The following ALKAL1 variants were observed in gnomAD, a reference collection of about 807,000 sequenced individuals.
ALKAL1 encodes the protein AUG-beta.
A neutral mutation model predicts 13.5 loss-of-function variants in ALKAL1; 23 were observed. The ratio of observed to expected loss-of-function variants is 1.70; its 90% confidence interval spans 1.23 to 2.41. ALKAL1 has a LOEUF of 2.41. Ranked by LOEUF, ALKAL1 falls within the 30% of genes most tolerant of loss-of-function variation. The pLI is 0.00. For synonymous variants in ALKAL1, 85 were observed against 77.7 expected (o/e 1.09, Z -0.49); for missense variants, 181 against 178.4 (o/e 1.01, Z -0.08).
Position 52,538,501 on chromosome 8 carries a change from T to C in ALKAL1, c.332A>G (p.Lys111Arg), listed in dbSNP as rs1262493495. 6.2e-7 allele frequency: 1 copy of C among 1,606,934 alleles called. No homozygotes were observed. The highest frequency in any genetic ancestry group is 8.5e-7 in the Non-Finnish European group (1 of 1,174,782). ...TCTTGTTAACAATCTAGCACATCTT[T>C]TGTAATCTAGGAAAAACATTTAAAG... ...TRECSTPAYY[K>R]RCARLLTRLA... Residue 111 changes from lysine (K) to arginine (R), a missense_variant, in exon 4 of 5, where the codon AAA becomes AGA. Physicochemically the swap from Lys to Arg is conservative, Grantham distance 26. Transcript: ENST00000358543.
chr8:52,540,519 A>T (rs1213731599), intron 2 of ALKAL1, among the ~76,000 whole-genome samples: 1 of 152,090 alleles, frequency 6.6e-6, no homozygotes, highest in African/African-American at 2.4e-5. Flanking sequence ...TGAGCCCAGG[A>T]GTTCAAGAAC....
chr8:52,538,943 T>C (rs1847288246), intron 3 of ALKAL1, among the ~76,000 whole-genome samples: 1 of 151,922 alleles, frequency 6.6e-6, no homozygotes, highest in Non-Finnish European at 1.5e-5. Flanking sequence ...AGAAGCCGGG[T>C]TGTAAGACTG....
chr8:52,540,473 C>T (rs900691623), intron 2 of ALKAL1, among the ~76,000 whole-genome samples: 4 of 152,138 alleles, frequency 2.6e-5, no homozygotes, highest in East Asian at 3.9e-4. Context: ...TGTCTGTAAT[C>T]CCAGCACTTT....
At chr8:52,563,135 T>C (rs1021954919) in intron 1 of ALKAL1, among the ~76,000 whole-genome samples, 2 of 152,214 alleles carry the variant, frequency 1.3e-5, no homozygotes, top group African/African-American at 2.4e-5. Context: ...CTTTTAACTA[T>C]GGCCGGGCAT....
At chr8:52,564,888 C>T (rs556159841) in intron 1 of ALKAL1, among the ~76,000 whole-genome samples, 179 bp downstream of exon 1, 2 of 152,200 alleles carry the variant, frequency 1.3e-5, no homozygotes, top group South Asian at 4.1e-4. Flanking sequence ...TAACTCTCAA[C>T]CGTGGTAAAT....
intron 1 of ALKAL1, among the ~76,000 whole-genome samples, chr8:52,556,540 G>A (rs1207371629): frequency 2.0e-5 from 3 of 151,198 alleles, no homozygotes; most frequent in African/African-American, 4.9e-5. Flanking sequence ...CCAGCTACAC[G>A]GGAGGCTGAG....
rs528213343 is a variant in ALKAL1 at position 52,540,034 on chromosome 8, C to T, written c.245-123G>A. 301 of 671,930 alleles carry T rather than the reference C, an allele frequency of 4.5e-4. 1 individual carries two copies. In the Admixed American group the frequency reaches 4.9e-3, roughly 11 times the overall value. 41.6% of individuals were successfully genotyped at this position (671,930 alleles called of 1,614,324 possible). A position where few individuals can be genotyped will look rare whatever the true frequency, so the allele number is the denominator to read the frequency against. On this transcript the variant is annotated intron_variant, in intron 2 of 4. Transcript: ENST00000358543. ...ACATCCTTCCATACCCTTAAAAGAA[C>T]GTGCCTGAGAGCTCTTCCCCCTACC... is the stretch of plus-strand genomic sequence containing the variant.
intron 1 of ALKAL1, among the ~76,000 whole-genome samples, chr8:52,546,512 G>C (rs547637099): frequency 1.3e-5 from 2 of 152,164 alleles, no homozygotes; most frequent in African/African-American, 2.4e-5. Flanking sequence ...GCTTACTCAG[G>C]CATGTCTGGA....
At chr8:52,545,312 CAA>C (rs1847358540) in intron 1 of ALKAL1, among the ~76,000 whole-genome samples, 1 of 152,154 alleles carries the variant, frequency 6.6e-6, no homozygotes, top group Non-Finnish European at 1.5e-5. Context: ...AGACAGAACT[CAA>C]AGTCATCCCT....
rs185995830 is a variant in ALKAL1 at position 52,549,187 on chromosome 8, C to T, written c.191-6742G>A. On this transcript the variant is annotated intron_variant, in intron 1 of 4. Coordinates refer to ENST00000358543, the MANE Select transcript of ALKAL1 (RefSeq NM_207413.4). The stretch of plus-strand genomic sequence containing the variant: ...TTAGGTACTTAAATCAAAATGTTTG[C>T]TGTACAGTTCTTTGAGTTATTTATT... Among the ~76,000 whole-genome samples the T allele has an allele frequency of 3.5e-3, 535 of 151,864 alleles. 4 individuals carry two copies. Among genetic ancestry groups the T allele is most frequent in the African/African-American group, 0.012 (496 of 41,326 alleles).
chr8:52,547,777 C>T (rs1847385354), intron 1 of ALKAL1, among the ~76,000 whole-genome samples: 1 of 152,136 alleles, frequency 6.6e-6, no homozygotes, highest in Admixed American at 6.5e-5. Flanking sequence ...CGCTTGGGCC[C>T]AGGAGTTTGA....
At chr8:52,553,113 C>G (rs1847445214) in intron 1 of ALKAL1, among the ~76,000 whole-genome samples, 2 of 152,210 alleles carry the variant, frequency 1.3e-5, no homozygotes, top group South Asian at 4.2e-4. Flanking sequence ...TTTGGGAGGA[C>G]AAGGTGGAAA....
At chr8:52,537,750 G>A (rs1032029837) in intron 4 of ALKAL1, among the ~76,000 whole-genome samples, 5 of 151,726 alleles carry the variant, frequency 3.3e-5, no homozygotes, top group Non-Finnish European at 7.4e-5. Context: ...CTCATATGAG[G>A]GAGCTAAAAA....
intron 1 of ALKAL1, among the ~76,000 whole-genome samples, 157 bp from the exon 2 acceptor site, chr8:52,542,602 T>C (rs1847325045): frequency 6.6e-6 from 1 of 152,220 alleles, no homozygotes; most frequent in South Asian, 2.1e-4. Context: ...CCTGACCATT[T>C]CCTGGGCTCC....
At chr8:52,557,828 A>G (rs1158375172) in intron 1 of ALKAL1, among the ~76,000 whole-genome samples, 1 of 151,664 alleles carries the variant, frequency 6.6e-6, no homozygotes, top group East Asian at 1.9e-4. Flanking sequence ...TACTAAAAAC[A>G]CAAAAAAATT....
At chr8:52,544,904 CATTTTTT>C (rs1387501562) in intron 1 of ALKAL1, among the ~76,000 whole-genome samples, 2 of 152,070 alleles carry the variant, frequency 1.3e-5, no homozygotes, top group African/African-American at 4.8e-5. Flanking sequence ...ACCATTCAAA[CATTTTTT>C]AATAAATAAA....
intron 2 of ALKAL1, 143 bp downstream of exon 2, chr8:52,542,249 A>T: frequency 1.7e-6 from 1 of 585,948 alleles, no homozygotes; most frequent in Non-Finnish European, 3.0e-6. Context: ...AGTTAACACA[A>T]GTTAGTAGCA....
At chr8:52,540,035 G>A (rs1007937712) in intron 2 of ALKAL1, 124 bp from the exon 3 acceptor site, 15 of 651,986 alleles carry the variant, frequency 2.3e-5, no homozygotes, top group African/African-American at 2.0e-4. Context: ...TTAAAAGAAC[G>A]TGCCTGAGAG....
Position 52,534,499 on chromosome 8 carries a change from C to T in ALKAL1, c.*114G>A, listed in dbSNP as rs1384815958. ...TATTTCTGGGAAGTCTCTTATTTTA[C>T]TCATCTTAATATCCATAAAAATATA... is the stretch of plus-strand genomic sequence containing the variant. On this transcript the variant is annotated 3_prime_UTR_variant, in exon 5 of 5. Transcript: ENST00000358543. 8.0e-6 allele frequency: 4 copies of T among 502,780 alleles called. No homozygotes were observed. Among genetic ancestry groups the T allele is most frequent in the East Asian group, 6.5e-5 (2 of 30,950 alleles). The allele number at this position is 502,780 out of a possible 1,614,324, so 31.1% of individuals were successfully genotyped here.
Sources: gnomAD v4.1 joint callset for allele counts (sites outside exome capture counted in the v4.1 genomes callset) on GRCh38, gnomAD v4.1.1 for gene constraint, MANE v1.5 for transcripts, NCBI Gene and HGNC (gene_info 2026-07-23, HGNC 2026-07-21) for gene names.